ZNF385D: variants seen among roughly 807,000 people sequenced by gnomAD.
ZNF385D encodes the protein zinc finger protein 385D.
In ZNF385D, 15 loss-of-function variants were observed where a neutral mutation model predicts 35.8. That is an observed-to-expected ratio of 0.42 (90% CI 0.28 to 0.64). The LOEUF is 0.64. ZNF385D is among the 30% of genes least tolerant of loss of function. The pLI, the probability that ZNF385D is intolerant of heterozygous loss-of-function variation, is 0.23. For synonymous variants in ZNF385D, 212 were observed against 186.8 expected, an observed-to-expected ratio of 1.13 and a Z score of -1.10; for missense variants, 474 against 494.6, an observed-to-expected ratio of 0.96 and a Z score of 0.39.
At chr3:22,037,333 G>A (rs1473571939) in intron 3 of ZNF385D, among the ~76,000 whole-genome samples, 2 of 149,216 alleles carry the variant, frequency 1.3e-5, no homozygotes, top group Non-Finnish European at 3.0e-5. Context: ...CACCAACAGT[G>A]TAAAAGTGTT....
At chr3:22,156,881 C>G (rs1407688454) in intron 3 of ZNF385D, among the ~76,000 whole-genome samples, 1 of 152,088 alleles carries the variant, frequency 6.6e-6, no homozygotes, top group East Asian at 1.9e-4. Flanking sequence ...TTCTCAACAC[C>G]TGATTTTGCT....
intron 3 of ZNF385D, among the ~76,000 whole-genome samples, chr3:21,890,251 A>C (rs1382638835): frequency 6.6e-6 from 1 of 152,178 alleles, no homozygotes; most frequent in Non-Finnish European, 1.5e-5. Context: ...TTAGTCTCAA[A>C]CTGAGAAAAA....
chr3:21,503,441 G>T (rs1706535218), intron 4 of ZNF385D, among the ~76,000 whole-genome samples: 1 of 152,108 alleles, frequency 6.6e-6, no homozygotes, highest in Non-Finnish European at 1.5e-5. Context: ...ATTTACAGTT[G>T]CCCTCCATAG....
At chr3:21,660,287 T>TG (rs2066199029) in intron 2 of ZNF385D, among the ~76,000 whole-genome samples, 1 of 152,172 alleles carries the variant, frequency 6.6e-6, no homozygotes. Context: ...AAAGTTATCC[T>TG]CTTTTATTGC....
chr3:21,753,853 C>T (rs568892778), upstream of ZNF385D, among the ~76,000 whole-genome samples: 8 of 151,534 alleles, frequency 5.3e-5, no homozygotes, highest in Non-Finnish European at 1.0e-4. Flanking sequence ...ATACTCTCAC[C>T]CTGCAGCTCT....
chr3:21,877,086 T>C (rs1698018009), intron 3 of ZNF385D, among the ~76,000 whole-genome samples: 1 of 152,036 alleles, frequency 6.6e-6, no homozygotes, highest in African/African-American at 2.4e-5. Flanking sequence ...TACCATGGGA[T>C]CAGGTTTATT....
rs536746722 is a variant in ZNF385D, at chr3:22,280,366, G to GTTTT, written c.106+92080_106+92083dup. ...TTTGCCTAAGCCATTGTCTAGAAGG[G>GTTTT]TTTTTTTTTTTTTTACTGTTATCTG... On this transcript the variant is annotated intron_variant, in intron 2 of 5. Transcript: ENST00000494108. Among the ~76,000 whole-genome samples the GTTTT allele has an allele frequency of 3.3e-3, 465 of 141,046 alleles. 5 individuals are homozygous for GTTTT. The highest frequency in any genetic ancestry group is 0.011 in the African/African-American group (437 of 38,946). 92.5% of individuals were successfully genotyped at this position (141,046 alleles called of 152,430 possible).
intron 3 of ZNF385D, among the ~76,000 whole-genome samples, chr3:21,896,449 G>C (rs1414398545): frequency 6.6e-6 from 1 of 152,082 alleles, no homozygotes; most frequent in East Asian, 1.9e-4. Context: ...ATGTGATTTG[G>C]GTTCTACAAT....
intron 2 of ZNF385D, among the ~76,000 whole-genome samples, chr3:21,612,331 C>T (rs2064708045): frequency 6.6e-6 from 1 of 151,940 alleles, no homozygotes. Context: ...AACTCCTGAC[C>T]TCGTGATCTG....
intron 2 of ZNF385D, among the ~76,000 whole-genome samples, chr3:21,622,411 A>G (rs1272818800): frequency 6.6e-6 from 1 of 152,136 alleles, no homozygotes; most frequent in African/African-American, 2.4e-5. Context: ...AGGAAAGCTA[A>G]TGCTTTGAGA....
At chr3:21,924,954 C>T (rs1209009533) in intron 3 of ZNF385D, among the ~76,000 whole-genome samples, 1 of 152,082 alleles carries the variant, frequency 6.6e-6, no homozygotes, top group African/African-American at 2.4e-5. Flanking sequence ...TCTAACAAGA[C>T]ATATACAGGA....
chr3:21,560,181 C>T (rs183644958), intron 3 of ZNF385D, among the ~76,000 whole-genome samples: 1 of 152,282 alleles, frequency 6.6e-6, no homozygotes, highest in East Asian at 1.9e-4. Flanking sequence ...ACTCATTCTG[C>T]ATCCTGTTTT....
chr3:21,712,222 A>G (rs1435898252), intron 1 of ZNF385D, among the ~76,000 whole-genome samples: 1 of 152,126 alleles, frequency 6.6e-6, no homozygotes, highest in Non-Finnish European at 1.5e-5. Context: ...ACCATTATGT[A>G]TCTCTGCAAT....
chr3:22,138,220 T>C (rs1704273154), intron 3 of ZNF385D, among the ~76,000 whole-genome samples: 1 of 152,038 alleles, frequency 6.6e-6, no homozygotes, highest in Non-Finnish European at 1.5e-5. Context: ...AGAATCAATA[T>C]CATGAAAATG....
intron 5 of ZNF385D, among the ~76,000 whole-genome samples, chr3:21,432,151 A>T (rs897356833): frequency 1.3e-5 from 2 of 152,138 alleles, no homozygotes; most frequent in Admixed American, 1.3e-4. Flanking sequence ...TTGTGCTTCA[A>T]TGTCCTCATT....
At chr3:22,217,673 A>T (rs1465457676) in intron 2 of ZNF385D, among the ~76,000 whole-genome samples, 1 of 152,164 alleles carries the variant, frequency 6.6e-6, no homozygotes, top group Non-Finnish European at 1.5e-5. Flanking sequence ...TCTAAGGTAC[A>T]TTACATGTTA....
chr3:22,211,981 G>T (rs960738062), intron 2 of ZNF385D, among the ~76,000 whole-genome samples: 3 of 151,934 alleles, frequency 2.0e-5, no homozygotes, highest in Admixed American at 6.6e-5. Context: ...AATTTTCTCT[G>T]CCCTACAAAT....
chr3:21,519,967 A>C (rs945938087), intron 3 of ZNF385D, among the ~76,000 whole-genome samples: 8 of 152,196 alleles, frequency 5.3e-5, no homozygotes, highest in Non-Finnish European at 1.2e-4. Context: ...TCCTGGCATA[A>C]ATAAAATGTG....
chr3:21,843,329 T>C (rs756758505), intron 3 of ZNF385D, among the ~76,000 whole-genome samples: 2 of 151,918 alleles, frequency 1.3e-5, no homozygotes, highest in Non-Finnish European at 2.9e-5. Context: ...ATCGGCCTAG[T>C]CAAGAAGGTC....
Sources: gnomAD v4.1 joint callset for allele counts (sites outside exome capture counted in the v4.1 genomes callset) on GRCh38, gnomAD v4.1.1 for gene constraint, MANE v1.5 for transcripts, NCBI Gene and HGNC (gene_info 2026-07-23, HGNC 2026-07-21) for gene names.